Variants in PCNX2 observed in about 807,000 individuals in gnomAD.
PCNX2 encodes pecanex 2.
A neutral mutation model predicts 223.8 loss-of-function variants in PCNX2; 168 were observed. That is an observed-to-expected ratio of 0.75 (90% confidence interval 0.66 to 0.85). The LOEUF (loss-of-function observed/expected upper bound fraction) is 0.85. Ranked by LOEUF, PCNX2 falls within the 40% of genes least tolerant of loss-of-function variation. The pLI, the probability that PCNX2 is intolerant of heterozygous loss-of-function variation, is 0.00. For synonymous variants in PCNX2, 1,006 were observed against 1,052.6 expected, an observed-to-expected ratio of 0.96 and a Z score of 0.86; for missense variants, 2,507 against 2,675.5, an observed-to-expected ratio of 0.94 and a Z score of 1.39.
chr1:232,998,395 T>C lies in PCNX2; in HGVS notation c.5647A>G (p.Ile1883Val), dbSNP rs1375480123. 1.2e-6 allele frequency: 2 copies of C among 1,612,874 alleles called. No individual in the cohort carries two copies. The highest frequency in any genetic ancestry group is 1.7e-6 in the Non-Finnish European group (2 of 1,179,594). ...CNARQHSGGN[I>V]EDVDGGGAPT... ...GCCCCTCCTCCGTCCACGTCTTCAA[T>C]GTTGCCGCCACTGTGCTGGCGGGCA... The change falls in exon 32 of 34, where the codon ATT becomes GTT. Residue 1883 changes from isoleucine (I) to valine (V), a missense_variant. Ile to Val is a conservative substitution (Grantham distance 29). Around this residue, in one of 3 missense-constraint regions of PCNX2, gnomAD observed 1,372 missense variants for 1,509.4 expected, o/e 0.91. Transcript: ENST00000258229.
intron 13 of PCNX2, among the ~76,000 whole-genome samples, chr1:233,201,113 A>G (rs1681081929): frequency 8.5e-6 from 1 of 117,340 alleles, no homozygotes; most frequent in East Asian, 4.1e-4. Flanking sequence ...AAAGTATTAA[A>G]AAAAAAAAAA....
At chr1:233,239,018 C>T (rs1360308852) in intron 8 of PCNX2, among the ~76,000 whole-genome samples, 1 of 152,172 alleles carries the variant, frequency 6.6e-6, no homozygotes, top group Non-Finnish European at 1.5e-5. Flanking sequence ...ACGGAAGCCA[C>T]TGAGTAATGT....
chr1:233,144,176 T>C (rs1218797262), intron 19 of PCNX2, among the ~76,000 whole-genome samples: 1 of 152,088 alleles, frequency 6.6e-6, no homozygotes, highest in Admixed American at 6.6e-5. Flanking sequence ...GCGTAGACCC[T>C]GTCTCAAAAA....
chr1:233,035,506 T>A (rs1369979243), intron 25 of PCNX2, among the ~76,000 whole-genome samples: 1 of 152,172 alleles, frequency 6.6e-6, no homozygotes, highest in East Asian at 1.9e-4. Flanking sequence ...GCGTTCTGCA[T>A]ATACCTAGCA....
At chr1:233,183,473 A>G (rs1679921047) in intron 15 of PCNX2, among the ~76,000 whole-genome samples, 1 of 152,238 alleles carries the variant, frequency 6.6e-6, no homozygotes, top group Non-Finnish European at 1.5e-5. Flanking sequence ...GGAATTGAGT[A>G]GCTTACATCA....
At chr1:233,027,713 T>C (rs988089611) in intron 25 of PCNX2, among the ~76,000 whole-genome samples, 3 of 152,246 alleles carry the variant, frequency 2.0e-5, no homozygotes, top group Non-Finnish European at 4.4e-5. Context: ...ATGTGGTCTC[T>C]GTTGCAGCTG....
At chr1:233,024,195 G>C (rs1442108578) in intron 26 of PCNX2, among the ~76,000 whole-genome samples, 1 of 152,202 alleles carries the variant, frequency 6.6e-6, no homozygotes, top group Non-Finnish European at 1.5e-5. Context: ...GATTATAGGC[G>C]TGAACCACCA....
At chr1:233,024,633 G>A (rs1376276214) in intron 26 of PCNX2, among the ~76,000 whole-genome samples, 2 of 152,204 alleles carry the variant, frequency 1.3e-5, no homozygotes, top group African/African-American at 4.8e-5. Flanking sequence ...TGTAGGCACT[G>A]AGCAACTGAA....
chr1:232,986,386 G>A lies in PCNX2; in HGVS notation c.5946C>T (p.Gly1982=), dbSNP rs1558142787. 3.7e-6 allele frequency: 6 copies of A among 1,602,750 alleles called. No homozygotes were observed. The Admixed American group carries it at 6.8e-5, about 18-fold the overall frequency. ...CCGAGGCGTGCAAGGAGAGCCGGCT[G>A]CCCGAGAGCCTCTGGGCCAGCTCGT... ...SVHELAQRLS[G]SRLSLHASAT... Residue 1982 remains glycine, a synonymous_variant, in exon 33 of 34, where the codon GGC becomes GGT. Coordinates refer to ENST00000258229, the MANE Select transcript of PCNX2 (RefSeq NM_014801.4).
chr1:232,989,250 C>T (rs796560211), intron 32 of PCNX2, among the ~76,000 whole-genome samples: 3 of 152,130 alleles, frequency 2.0e-5, no homozygotes, highest in Non-Finnish European at 2.9e-5. Flanking sequence ...GTCAGGAGAT[C>T]GAGACCATCC....
At position 233,134,287 on chromosome 1, in the gene PCNX2, A is replaced by G. The variant is rs530796454; in HGVS notation, c.3837+726T>C. On this transcript the variant is annotated intron_variant, in intron 21 of 33. Transcript: ENST00000258229. ...TCTGCTTACAAACGTAGGTTTCATT[A>G]CAGTGATCAGGCTAGATATGGTCAT... 2.7e-4 allele frequency among the ~76,000 whole-genome samples: 41 copies of G among 152,264 alleles called. 1 individual carries two copies. The highest frequency in any genetic ancestry group is 1.4e-3 in the Admixed American group (21 of 15,298).
At chr1:232,988,826 C>A (rs967251325) in intron 32 of PCNX2, among the ~76,000 whole-genome samples, 1 of 152,188 alleles carries the variant, frequency 6.6e-6, no homozygotes, top group South Asian at 2.1e-4. Flanking sequence ...TGCTTTTTAC[C>A]CCAGCAAGAC....
In PCNX2 at chr1:233,295,592, GCCGCCGCCGTCGCCC is replaced by G; in HGVS notation, c.-129_-115del. ...GCCCGCGGGCCGCGCCCCCGCCGTCGCCGCCGCCGTCGCCCCCGCCGCCTCCTTCCACCCCACGTT... is the reference window on the plus strand; with the variant it reads ...GCCCGCGGGCCGCGCCCCCGCCGTCGCCGCCGCCTCCTTCCACCCCACGTT... On this transcript the variant is annotated 5_prime_UTR_variant, in exon 1 of 34. Transcript: ENST00000258229. The surrounding 1 kb of genome is among the most constrained non-coding windows in gnomAD (Gnocchi z 4.1). 2.6e-6 allele frequency: 3 copies of G among 1,149,112 alleles called. No individual in the cohort carries two copies. The highest frequency in any genetic ancestry group is 3.4e-5 in the East Asian group (1 of 29,812). The allele number at this position is 1,149,112 out of a possible 1,614,324, so 71.2% of individuals were successfully genotyped here.
At chr1:233,282,341 A>C (rs937025249) in intron 1 of PCNX2, among the ~76,000 whole-genome samples, 2 of 152,190 alleles carry the variant, frequency 1.3e-5, no homozygotes, top group African/African-American at 4.8e-5. Context: ...CTCTATGTTG[A>C]TTATTTTTCA....
intron 23 of PCNX2, chr1:233,058,620 G>A (rs1019433082): frequency 2.6e-5 from 4 of 151,470 alleles, no homozygotes; most frequent in African/African-American, 9.7e-5. Flanking sequence ...AGAAAGCCTG[G>A]TCTTGAACAC....
chr1:233,106,027 T>C (rs1410501686), intron 21 of PCNX2, among the ~76,000 whole-genome samples: 2 of 152,062 alleles, frequency 1.3e-5, no homozygotes, highest in Admixed American at 6.6e-5. Flanking sequence ...AGGTGGGCCA[T>C]TGAGGAAGGA....
chr1:233,239,466 T>C (rs1658627015), intron 8 of PCNX2, among the ~76,000 whole-genome samples: 1 of 152,342 alleles, frequency 6.6e-6, no homozygotes, highest in African/African-American at 2.4e-5. Context: ...ATAAGCCATT[T>C]AAATATCCTT....
the PCNX2 span, among the ~76,000 whole-genome samples, chr1:233,304,411 CTA>C: frequency 2.6e-5 from 4 of 152,164 alleles, no homozygotes; most frequent in Non-Finnish European, 4.4e-5. Flanking sequence ...GACAAAAAGA[CTA>C]TGTTAATGAG....
intron 13 of PCNX2, among the ~76,000 whole-genome samples, chr1:233,205,647 G>T (rs1681399997): frequency 6.6e-6 from 1 of 151,706 alleles, no homozygotes; most frequent in Admixed American, 6.6e-5. Flanking sequence ...AGTGAACCTA[G>T]ATCGTGCCTC....
Sources: gnomAD v4.1 joint callset for allele counts (sites outside exome capture counted in the v4.1 genomes callset) on GRCh38, gnomAD v4.1.1 for gene constraint, gnomAD v4.1.1 regional missense constraint, Gnocchi (gnomAD v3.1) non-coding constraint, MANE v1.5 for transcripts, NCBI Gene and HGNC (gene_info 2026-07-23, HGNC 2026-07-21) for gene names.